Variants in TMEM135 observed in about 807,000 individuals in gnomAD.
TMEM135 encodes the protein peroxisomal membrane protein 52.
A neutral mutation model predicts 60.3 loss-of-function variants in TMEM135; 30 were observed. The ratio of observed to expected loss-of-function variants is 0.50; its 90% CI spans 0.37 to 0.68. The LOEUF (loss-of-function observed/expected upper bound fraction) is 0.68. Among genes scored for constraint, TMEM135 ranks in the 30% least tolerant of loss-of-function variants. TMEM135 has a pLI of 0.00. For missense variants in TMEM135, 468 were observed against 548.8 expected, an observed-to-expected ratio of 0.85 and a Z score of 1.47; for synonymous variants, 190 against 186.7, an observed-to-expected ratio of 1.02 and a Z score of -0.14.
chr11:87,163,908 G>A (rs1252421551), intron 5 of TMEM135, among the ~76,000 whole-genome samples: 1 of 148,160 alleles, frequency 6.7e-6, no homozygotes, highest in African/African-American at 2.5e-5. Flanking sequence ...TTGTAAATTT[G>A]TTTGAATTCA....
intron 4 of TMEM135, among the ~76,000 whole-genome samples, chr11:87,117,813 G>T (rs1857930632): frequency 6.6e-6 from 1 of 152,174 alleles, no homozygotes; most frequent in South Asian, 2.1e-4. Flanking sequence ...TTAATGGCAT[G>T]TAGAATGGTG....
chr11:87,106,184 A>G (rs1262056055), intron 4 of TMEM135, among the ~76,000 whole-genome samples: 2 of 151,216 alleles, frequency 1.3e-5, no homozygotes, highest in Non-Finnish European at 2.9e-5. Flanking sequence ...GCTCACTGCA[A>G]CCTCCACCTC....
At chr11:87,284,904 A>G (rs1942135607) in intron 6 of TMEM135, among the ~76,000 whole-genome samples, 1 of 152,188 alleles carries the variant, frequency 6.6e-6, no homozygotes, top group African/African-American at 2.4e-5. Flanking sequence ...GAACTCTCTT[A>G]GTCCATTTTA....
At chr11:87,199,944 A>G (rs1415214699) in intron 5 of TMEM135, among the ~76,000 whole-genome samples, 1 of 152,140 alleles carries the variant, frequency 6.6e-6, no homozygotes. Context: ...ATAAATAAAT[A>G]CATAACTTGG....
rs188712996 is a variant in TMEM135 at position 87,155,013 on chromosome 11, T to G, written c.397-2328T>G. On this transcript the variant is annotated intron_variant, in intron 4 of 14. Transcript: ENST00000305494. Reference sequence around the variant, plus strand: ...TTTATTTATTTATTTATTTATTTATTTAGAGACTGAGTTTCACTCTTGTTG... The same window carrying G: ...TTTATTTATTTATTTATTTATTTATGTAGAGACTGAGTTTCACTCTTGTTG... 2.8e-4 allele frequency among the ~76,000 whole-genome samples: 20 copies of G among 71,250 alleles called. No homozygotes were observed. The East Asian group carries it at 9.0e-3, about 32-fold the overall frequency. 46.7% of individuals were successfully genotyped at this position (71,250 alleles called of 152,430 possible).
At chr11:87,192,142 C>A (rs1939822971) in intron 5 of TMEM135, among the ~76,000 whole-genome samples, 2 of 150,534 alleles carry the variant, frequency 1.3e-5, no homozygotes, top group Admixed American at 1.3e-4. Context: ...CCACCGTGCC[C>A]AGCTAATTTT....
At chr11:87,204,229 A>G (rs1003835309) in intron 5 of TMEM135, among the ~76,000 whole-genome samples, 23 of 151,994 alleles carry the variant, frequency 1.5e-4, no homozygotes, top group African/African-American at 5.5e-4. Context: ...TTATGTAGCC[A>G]CTGTTTGTTG....
At chr11:87,169,113 G>T (rs561876527) in intron 5 of TMEM135, among the ~76,000 whole-genome samples, 31 of 151,696 alleles carry the variant, frequency 2.0e-4, no homozygotes, top group Non-Finnish European at 4.0e-4. Flanking sequence ...TCAGAGACTA[G>T]GATTGCAAAC....
intron 4 of TMEM135, among the ~76,000 whole-genome samples, chr11:87,092,999 C>A (rs1177370359): frequency 1.3e-5 from 2 of 152,036 alleles, no homozygotes; most frequent in African/African-American, 2.4e-5. Context: ...GAATTAAATT[C>A]TTATCCATCC....
chr11:87,267,908 T>A (rs1458375936), intron 6 of TMEM135, among the ~76,000 whole-genome samples: 5 of 152,026 alleles, frequency 3.3e-5, no homozygotes, highest in Non-Finnish European at 7.4e-5. Context: ...ACCAGAATGG[T>A]CTCGAACTCC....
chr11:87,091,225 T>G, intron 3 of TMEM135, 137 bp from the exon 4 acceptor site: 2 of 695,516 alleles, frequency 2.9e-6, no homozygotes, highest in Non-Finnish European at 4.7e-6. Context: ...TTCGGCATAA[T>G]TTACCTGTTT....
chr11:87,252,490 G>A (rs937718234), intron 6 of TMEM135, among the ~76,000 whole-genome samples: 18 of 152,042 alleles, frequency 1.2e-4, no homozygotes, highest in Admixed American at 2.0e-4. Flanking sequence ...AATAGACATG[G>A]AGCCGGGCAC....
intron 5 of TMEM135, among the ~76,000 whole-genome samples, chr11:87,198,506 C>G (rs558229877): frequency 8.6e-5 from 13 of 150,786 alleles, no homozygotes; most frequent in Non-Finnish European, 1.8e-4. Context: ...TTCCTTCCCT[C>G]TCCTCCCCGC....
intron 6 of TMEM135, among the ~76,000 whole-genome samples, chr11:87,279,370 A>G (rs1296189954): frequency 1.3e-5 from 2 of 151,956 alleles, no homozygotes; most frequent in Non-Finnish European, 2.9e-5. Context: ...GAACTGTTAA[A>G]TTTTTCTTGT....
Position 87,327,391 on chromosome 11 carries a change from C to A in TMEM135, c.*6058C>A. Reference sequence around the variant, plus strand: ...TGCCAGGTCAGAAAAATAGAAAGAACCTGCTTCTGTGAGCCACTGAATGGT... The same window carrying A: ...TGCCAGGTCAGAAAAATAGAAAGAAACTGCTTCTGTGAGCCACTGAATGGT... On this transcript the variant is annotated 3_prime_UTR_variant, in exon 15 of 15. Coordinates refer to ENST00000305494, the MANE Select transcript of TMEM135 (RefSeq NM_022918.4). The A allele has an allele frequency of 2.2e-6, 1 of 453,972 alleles. No homozygotes were observed. The highest frequency in any genetic ancestry group is 1.6e-5 in the South Asian group (1 of 64,472). 28.1% of individuals were successfully genotyped at this position (453,972 alleles called of 1,614,324 possible). A position where few individuals can be genotyped will look rare whatever the true frequency, so the allele number is the denominator to read the frequency against.
At chr11:87,303,142 G>A (rs1942476408) in intron 8 of TMEM135, among the ~76,000 whole-genome samples, 1 of 152,124 alleles carries the variant, frequency 6.6e-6, no homozygotes, top group South Asian at 2.1e-4. Context: ...TAGGAACCTG[G>A]CCACACAGCA....
At chr11:87,219,228 C>T (rs542279) in intron 5 of TMEM135, among the ~76,000 whole-genome samples, 9,817 of 152,120 alleles carry the variant, frequency 0.065, 400 homozygotes, top group South Asian at 0.12. Flanking sequence ...TAGAAATCAC[C>T]TAAATTTTGG....
chr11:87,212,839 AAAAG>A (rs887413100), intron 5 of TMEM135, among the ~76,000 whole-genome samples: 1 of 151,738 alleles, frequency 6.6e-6, no homozygotes, highest in Non-Finnish European at 1.5e-5. Flanking sequence ...AAAAAAAAAA[AAAAG>A]AATACAAATA....
chr11:87,139,327 T>A (rs1205735915), intron 4 of TMEM135, among the ~76,000 whole-genome samples: 1 of 152,192 alleles, frequency 6.6e-6, no homozygotes, highest in East Asian at 1.9e-4. Context: ...ACTTCATGTA[T>A]TTTAAGTTTA....
Sources: gnomAD v4.1 joint callset for allele counts (sites outside exome capture counted in the v4.1 genomes callset) on GRCh38, gnomAD v4.1.1 for gene constraint, MANE v1.5 for transcripts, NCBI Gene and HGNC (gene_info 2026-07-23, HGNC 2026-07-21) for gene names.